The following NBAS variants were observed in gnomAD, a reference collection of about 807,000 sequenced individuals.
The protein encoded by NBAS is NBAS subunit of NRZ tethering complex, also known as NAG/BC035112 fusion.
Under a neutral mutation model 302.5 loss-of-function variants are expected in NBAS, and 219 were observed. That is an observed-to-expected ratio of 0.72 (90% CI 0.65 to 0.81). The LOEUF (loss-of-function observed/expected upper bound fraction) is 0.81, where lower values mean the gene tolerates loss of function less well. Ranked by LOEUF, NBAS falls within the 30% of genes least tolerant of loss-of-function variation. The pLI is 0.00. For missense variants in NBAS, 2,932 were observed against 2,841.6 expected (o/e 1.03, Z -0.72); for synonymous variants, 1,118 against 1,021.6 (o/e 1.09, Z -1.80).
intron 30 of NBAS, among the ~76,000 whole-genome samples, chr2:15,377,206 T>C (rs1996517): frequency 0.62 from 94,451 of 151,924 alleles, 30,135 homozygotes; most frequent in Middle Eastern, 0.68. Flanking sequence ...TAAGAATCAA[T>C]AGTAAAAAGA....
intron 26 of NBAS, among the ~76,000 whole-genome samples, chr2:15,400,249 A>C (rs1016562467): frequency 6.6e-6 from 1 of 152,088 alleles, no homozygotes; most frequent in African/African-American, 2.4e-5. Context: ...AAAAAAAAAA[A>C]CATGAAAGGA....
At chr2:15,014,146 T>C in the NBAS span, among the ~76,000 whole-genome samples, 5 of 152,272 alleles carry the variant, frequency 3.3e-5, no homozygotes, top group East Asian at 9.6e-4. Flanking sequence ...CACACAGATA[T>C]ATAAATCAAA....
the NBAS span, among the ~76,000 whole-genome samples, chr2:14,845,978 T>C: frequency 2.0e-5 from 3 of 151,204 alleles, no homozygotes; most frequent in Non-Finnish European, 4.4e-5. Flanking sequence ...AGAGATAGGG[T>C]AGAAAGTTTA....
chr2:15,145,255 C>T, the NBAS span, among the ~76,000 whole-genome samples: 4 of 152,004 alleles, frequency 2.6e-5, no homozygotes, highest in East Asian at 1.9e-4. Context: ...GTCAGCTTTG[C>T]GGTTACTAGA....
chr2:15,313,323 C>T (rs1671360972), intron 38 of NBAS, among the ~76,000 whole-genome samples: 1 of 152,110 alleles, frequency 6.6e-6, no homozygotes, highest in South Asian at 2.1e-4. Context: ...AGGAGCCAAA[C>T]ATGAAATAGG....
At chr2:15,156,500 G>A in the NBAS span, among the ~76,000 whole-genome samples, 20 of 152,300 alleles carry the variant, frequency 1.3e-4, 1 homozygote, top group African/African-American at 2.9e-4. Flanking sequence ...CAGATTTGGC[G>A]TCTGGTGAGG....
chr2:15,420,171 G>C (rs1677143123), intron 23 of NBAS, among the ~76,000 whole-genome samples: 1 of 152,162 alleles, frequency 6.6e-6, no homozygotes, highest in Non-Finnish European at 1.5e-5. Context: ...TGAGCCCTAG[G>C]AGAAGAGTAC....
chr2:14,957,520 T>C, the NBAS span, among the ~76,000 whole-genome samples: 1 of 152,202 alleles, frequency 6.6e-6, no homozygotes, highest in Non-Finnish European at 1.5e-5. Flanking sequence ...CACTAGGTTG[T>C]TTCTTGGGCT....
intron 5 of NBAS, among the ~76,000 whole-genome samples, chr2:15,552,071 AAT>A (rs1404818740): frequency 6.6e-6 from 1 of 152,202 alleles, no homozygotes; most frequent in African/African-American, 2.4e-5. Context: ...ATTATTATAA[AAT>A]ATGTTTAAAA....
intron 9 of NBAS, among the ~76,000 whole-genome samples, chr2:15,519,357 G>A (rs952522056): frequency 6.6e-6 from 1 of 152,026 alleles, no homozygotes; most frequent in Non-Finnish European, 1.5e-5. Context: ...AAACAACCAG[G>A]GATATGAATT....
At chr2:15,384,595 TG>T (rs1191861457) in intron 28 of NBAS, among the ~76,000 whole-genome samples, 5 of 150,962 alleles carry the variant, frequency 3.3e-5, no homozygotes, top group Non-Finnish European at 7.4e-5. Flanking sequence ...AAATACATCT[TG>T]TTTTTTTATT....
chr2:14,936,720 C>A, the NBAS span, among the ~76,000 whole-genome samples: 888 of 152,240 alleles, frequency 5.8e-3, 14 homozygotes, highest in African/African-American at 0.021. Context: ...AGGTAACAGG[C>A]TGGAGATACG....
the NBAS span, among the ~76,000 whole-genome samples, chr2:14,887,261 G>C: frequency 6.6e-6 from 1 of 151,940 alleles, no homozygotes; most frequent in Admixed American, 6.6e-5. Context: ...AAAATTATTC[G>C]GGCATGGTGG....
intron 8 of NBAS, 71 bp downstream of exon 8, chr2:15,536,347 A>G (rs1035960126): frequency 1.9e-6 from 3 of 1,539,764 alleles, no homozygotes; most frequent in Non-Finnish European, 8.8e-7. Context: ...AAAAAAAGAA[A>G]TATCAAAATC....
chr2:15,462,252 T>A (rs988611701), intron 19 of NBAS, among the ~76,000 whole-genome samples: 1 of 152,178 alleles, frequency 6.6e-6, no homozygotes, highest in African/African-American at 2.4e-5. Context: ...TGATAGGCAC[T>A]GTGATACATT....
At chr2:15,246,058 G>A (rs1668083090) in intron 44 of NBAS, among the ~76,000 whole-genome samples, 1 of 152,168 alleles carries the variant, frequency 6.6e-6, no homozygotes, top group African/African-American at 2.4e-5. Context: ...TGCCAGGCTA[G>A]ATAAGGAATC....
the NBAS span, among the ~76,000 whole-genome samples, chr2:15,051,562 C>T: frequency 6.6e-6 from 1 of 152,124 alleles, no homozygotes; most frequent in Admixed American, 6.5e-5. Context: ...AATCTGCCTC[C>T]CAGAGTTGTG....
chr2:15,270,233 C>G (rs1316347384), intron 44 of NBAS, among the ~76,000 whole-genome samples: 2 of 152,116 alleles, frequency 1.3e-5, no homozygotes, highest in African/African-American at 4.8e-5. Context: ...GGCACGATCT[C>G]GGGTCAGTGC....
chr2:15,179,764 C>T (rs984803680), intron 50 of NBAS: 4 of 152,534 alleles, frequency 2.6e-5, no homozygotes, highest in South Asian at 2.1e-4. Flanking sequence ...TGTTTGGATC[C>T]CCACAGGTGT....
Sources: allele counts gnomAD v4.1 joint callset (sites outside exome capture counted in the v4.1 genomes callset), GRCh38; gene constraint gnomAD v4.1.1; transcripts MANE v1.5; gene names NCBI Gene and HGNC (gene_info 2026-07-23, HGNC 2026-07-21).